SH3D21: variants seen among roughly 807,000 people sequenced by gnomAD.
SH3D21 encodes the protein manchette microtubule inner protein 1.
A neutral mutation model predicts 82.1 loss-of-function variants in SH3D21; 83 were observed. That is an observed-to-expected ratio of 1.01 (90% confidence interval 0.85 to 1.21). The LOEUF is 1.21. SH3D21 is among the 50% of genes most tolerant of loss of function. The probability of loss-of-function intolerance (pLI) is 0.00; values close to 1 mark genes in which losing one functional copy is unlikely to be tolerated. For missense variants in SH3D21, 980 were observed against 962.1 expected (o/e 1.02, Z -0.25); for synonymous variants, 383 against 387.8 (o/e 0.99, Z 0.15).
chr1:36,322,437 A>T (rs778420180), downstream of SH3D21: 2 of 1,603,954 alleles, frequency 1.2e-6, no homozygotes, highest in Admixed American at 3.3e-5. Context: ...CGCCCGCTCC[A>T]GCTCCTCCGC....
At chr1:36,323,134 G>T, downstream of SH3D21, 2 of 1,383,344 alleles carry the variant, frequency 1.4e-6, no homozygotes, top group Non-Finnish European at 2.0e-6. Flanking sequence ...TCCGCGGGCA[G>T]CTCCTCTCCC....
chr1:36,320,431 G>C lies in SH3D21; in HGVS notation c.1768G>C (p.Glu590Gln). 4 of 1,613,038 alleles carry C rather than the reference G, an allele frequency of 2.5e-6. No homozygotes were observed. Among genetic ancestry groups the C allele is most frequent in the South Asian group, 1.1e-5 (1 of 90,992 alleles). ...CCACGAAGAGGCTACAACCCTTCCA[G>C]AGGAGGCACCTTCCAATGACGAGAG... is the stretch of plus-strand genomic sequence containing the variant. Reference protein sequence around the residue: ...HPHEEATTLPEEAPSNDERTP... With the variant: ...HPHEEATTLPQEAPSNDERTP... The change falls in exon 14 of 16, where the codon GAG becomes CAG. Residue 590 changes from glutamate (E) to glutamine (Q), a missense_variant. Physicochemically the swap from Glu to Gln is conservative, Grantham distance 29. Coordinates refer to ENST00000453908, the MANE Select transcript of SH3D21 (RefSeq NM_001162530.2).
At chr1:36,311,012 G>A (rs149962330) in intron 10 of SH3D21, among the ~76,000 whole-genome samples, 2,479 of 150,996 alleles carry the variant, frequency 0.016, 108 homozygotes, top group East Asian at 0.14. Flanking sequence ...AGGTTCAAGC[G>A]ATTCTCCTGC....
intron 13 of SH3D21, 28 bp downstream of exon 13, chr1:36,319,564 G>A (rs755285878): frequency 1.9e-6 from 3 of 1,551,500 alleles, no homozygotes; most frequent in Non-Finnish European, 2.6e-6. Context: ...TGGGAGAGTG[G>A]GGATGCTGGG....
Position 36,307,371 on chromosome 1 carries a change from C to T in SH3D21, c.345+86C>T, listed in dbSNP as rs1162629366. 2.6e-6 allele frequency: 4 copies of T among 1,526,076 alleles called. No individual in the cohort carries two copies. The African/African-American group carries it at 4.1e-5, about 16-fold the overall frequency. 94.5% of individuals were successfully genotyped at this position (1,526,076 alleles called of 1,614,324 possible). ...GCGGGGTGGGAAGTGAGGGTGTGGACGGTGGGAATGGCGACGGTGCAGATA... is the reference window on the plus strand; with the variant it reads ...GCGGGGTGGGAAGTGAGGGTGTGGATGGTGGGAATGGCGACGGTGCAGATA... On this transcript the variant is annotated intron_variant, in intron 4 of 15. Transcript: ENST00000453908. This position sits in a 1 kb window ranked among gnomAD's most constrained non-coding sequence, Gnocchi z 5.4.
At chr1:36,321,386 TGAGGGGCGGGG>T, downstream of SH3D21, 1 of 1,273,410 alleles carries the variant, frequency 7.9e-7, no homozygotes, top group Non-Finnish European at 1.0e-6. This position sits in a 1 kb window ranked among gnomAD's most constrained non-coding sequence, Gnocchi z 6.1. Flanking sequence ...CACCGGATGG[TGAGGGGCGGGG>T]GAGGGTGTCT....
rs1570395027 is a variant in SH3D21 at position 36,316,808 on chromosome 1, A to G, written c.770-2263A>G. 2.8e-5 allele frequency among the ~76,000 whole-genome samples: 4 copies of G among 141,046 alleles called. No individual in the cohort carries two copies. The South Asian group carries it at 8.7e-4, about 31-fold the overall frequency. 92.5% of individuals were successfully genotyped at this position (141,046 alleles called of 152,430 possible). On this transcript the variant is annotated intron_variant, in intron 10 of 15. Coordinates refer to ENST00000453908, the MANE Select transcript of SH3D21 (RefSeq NM_001162530.2). ...AGACTGAGTTTTGCTCTTGTTACCC[A>G]GGCTGGAGTGCAATGGCGTGATTTG...
chr1:36,326,526 G>A (rs930902697), downstream of SH3D21, among the ~76,000 whole-genome samples: 4 of 152,172 alleles, frequency 2.6e-5, no homozygotes, highest in South Asian at 2.1e-4. Flanking sequence ...CACCGTGCCC[G>A]GCCAGGAGCT....
chr1:36,322,117 T>G, downstream of SH3D21: 1 of 1,350,892 alleles, frequency 7.4e-7, no homozygotes. Context: ...TGCTGCCCCC[T>G]CCCCGCCCCC....
intron 9 of SH3D21, among the ~76,000 whole-genome samples, chr1:36,308,947 A>G (rs1390662965): frequency 6.6e-6 from 1 of 151,734 alleles, no homozygotes; most frequent in Non-Finnish European, 1.5e-5. Context: ...GCAAGACTCT[A>G]TCTCAAAAAG....
chr1:36,323,007 G>C (rs562247536), downstream of SH3D21: 1 of 1,602,368 alleles, frequency 6.2e-7, no homozygotes, highest in South Asian at 1.1e-5. Flanking sequence ...CTGTTGCTGA[G>C]CAACTCCATG....
chr1:36,315,162 A>G (rs1009740294), intron 10 of SH3D21, among the ~76,000 whole-genome samples: 8 of 151,668 alleles, frequency 5.3e-5, no homozygotes, highest in Non-Finnish European at 1.0e-4. Context: ...TGTCATCCCA[A>G]CTATCTGGGA....
intron 13 of SH3D21, 38 bp downstream of exon 13, chr1:36,319,574 G>A: frequency 6.4e-7 from 1 of 1,551,442 alleles, no homozygotes; most frequent in Middle Eastern, 1.7e-4. Flanking sequence ...GGGATGCTGG[G>A]CAGAGGCTGG....
intron 14 of SH3D21, 54 bp from the exon 15 acceptor site, chr1:36,320,861 C>A (rs1224924253): frequency 2.4e-5 from 37 of 1,550,678 alleles, no homozygotes; most frequent in Non-Finnish European, 3.2e-5. Context: ...CCTGCGCAGC[C>A]CCTCACCTCC....
At chr1:36,327,588 G>T, downstream of SH3D21, 1 of 1,020,490 alleles carries the variant, frequency 9.8e-7, no homozygotes, top group Non-Finnish European at 1.3e-6. Flanking sequence ...GTCTGGGTTG[G>T]TATGTGACAT....
rs1646426208 is a variant in SH3D21, at chr1:36,320,331, AG to A, written c.1672del (p.Asp558ThrfsTer9). 1 of 1,613,020 alleles carries A rather than the reference AG, an allele frequency of 6.2e-7. No homozygotes were observed. The highest frequency in any genetic ancestry group is 8.5e-7 in the Non-Finnish European group (1 of 1,179,956). On this transcript the variant is annotated frameshift_variant, in exon 14 of 16. Coordinates refer to ENST00000453908, the MANE Select transcript of SH3D21 (RefSeq NM_001162530.2). LOFTEE classifies it high-confidence loss of function. ...LGEMKCTLVR[G>X]DSSPRQAELK... ...GAGAGATGAAATGTACCCTAGTTAG[AG>A]GGGACAGCTCCCCACGCCAGGCTGA...
rs1474439503 is a variant in SH3D21, at chr1:36,319,279, A to G, written c.883A>G (p.Arg295Gly). The G allele has an allele frequency of 3.9e-6, 6 of 1,551,538 alleles. No homozygotes were observed. Among genetic ancestry groups the G allele is most frequent in the Non-Finnish European group, 3.5e-6 (4 of 1,146,984 alleles). ...TTCCAGGACATCTCGGACACCCAGCAGGGACAGTCAGAAGCTCACCTCCCG... is the reference window on the plus strand; with the variant it reads ...TTCCAGGACATCTCGGACACCCAGCGGGGACAGTCAGAAGCTCACCTCCCG... ...SKAKTSRTPS[R>G]DSQKLTSRDS... Residue 295 changes from arginine (R) to glycine (G), a missense_variant, in exon 12 of 16, where the codon AGG becomes GGG. Physicochemically the swap from Arg to Gly is moderately radical, Grantham distance 125. Coordinates refer to ENST00000453908, the MANE Select transcript of SH3D21 (RefSeq NM_001162530.2).
chr1:36,320,712 CAAG>C lies in SH3D21; in HGVS notation c.2052_2054del (p.Lys684del), dbSNP rs1646439246. The C allele has an allele frequency of 1.9e-6, 3 of 1,613,942 alleles. No individual in the cohort carries two copies. The highest frequency in any genetic ancestry group is 2.5e-6 in the Non-Finnish European group (3 of 1,179,912). Reference sequence around the variant, plus strand: ...TGGTCCCGCAAAACTACACGGAAAACAAGAATGAAGGAGTTGATGTAACGTCGC... The same window carrying C: ...TGGTCCCGCAAAACTACACGGAAAACAATGAAGGAGTTGATGTAACGTCGC... On this transcript the variant is annotated inframe_deletion, in exon 14 of 16. Coordinates refer to ENST00000453908, the MANE Select transcript of SH3D21 (RefSeq NM_001162530.2).
At chr1:36,328,350 G>A (rs896605034), downstream of SH3D21, 9 of 360,004 alleles carry the variant, frequency 2.5e-5, no homozygotes, top group African/African-American at 8.5e-5. Context: ...ACCCTACCAC[G>A]GGGATAGGTC....
Sources: gnomAD v4.1 joint callset for allele counts (sites outside exome capture counted in the v4.1 genomes callset) on GRCh38, gnomAD v4.1.1 for gene constraint, Gnocchi (gnomAD v3.1) non-coding constraint, MANE v1.5 for transcripts, NCBI Gene and HGNC (gene_info 2026-07-23, HGNC 2026-07-21) for gene names.